The following C19orf44 variants were observed in gnomAD, a reference collection of about 807,000 sequenced individuals.
C19orf44 encodes chromosome 19 open reading frame 44.
Under a neutral mutation model 50.7 loss-of-function variants are expected in C19orf44, and 43 were observed. The ratio of observed to expected loss-of-function variants is 0.85; its 90% CI spans 0.66 to 1.09. The LOEUF is 1.09. Ranked by LOEUF, C19orf44 falls within the 50% of genes least tolerant of loss-of-function variation. The pLI is 0.00. For missense variants in C19orf44, 722 were observed against 836.2 expected, an observed-to-expected ratio of 0.86 and a Z score of 1.68; for synonymous variants, 298 against 334.7, an observed-to-expected ratio of 0.89 and a Z score of 1.20.
Position 16,519,514 on chromosome 19 carries a change from T to C in C19orf44, c.*41-580T>C. The stretch of plus-strand genomic sequence containing the variant: ...GGTCTGGGTGGAGTCAGAACCGGCC[T>C]GACTCCATCCATCCCCACATGCACT... On this transcript the variant is annotated intron_variant, in intron 8 of 8. Coordinates refer to ENST00000221671, the MANE Select transcript of C19orf44 (RefSeq NM_032207.4). The surrounding 1 kb of genome is among the most constrained non-coding windows in gnomAD (Gnocchi z 6.0). 1 of 1,282,678 alleles carries C rather than the reference T, an allele frequency of 7.8e-7. No individual in the cohort carries two copies. Among genetic ancestry groups the C allele is most frequent in the South Asian group, 1.2e-5 (1 of 81,246 alleles). The allele number at this position is 1,282,678 out of a possible 1,614,324, so 79.5% of individuals were successfully genotyped here. A position where few individuals can be genotyped will look rare whatever the true frequency, so the allele number is the denominator to read the frequency against.
In C19orf44 at chr19:16,509,791, C is replaced by T. The variant is rs1225462234; in HGVS notation, c.1442C>T (p.Ser481Phe). 1 of 1,614,268 alleles carries T rather than the reference C, an allele frequency of 6.2e-7. No homozygotes were observed. The highest frequency in any genetic ancestry group is 1.1e-5 in the South Asian group (1 of 91,086). Residue 481 changes from serine to phenylalanine, a missense_variant, in exon 5 of 9, where the codon TCT becomes TTT. Coordinates refer to ENST00000221671, the MANE Select transcript of C19orf44 (RefSeq NM_032207.4). ...DFENSPSLTA[S>F]EPTAHSKESL... ...GAAAACTCTCCAAGTCTGACAGCAT[C>T]TGAGCCAACCGCCCATTCCAAGGAG... is the stretch of plus-strand genomic sequence containing the variant.
In C19orf44 at chr19:16,519,584, G is replaced by T; in HGVS notation, c.*41-510G>T. 6.4e-7 allele frequency: 1 copy of T among 1,564,178 alleles called. No individual in the cohort carries two copies. The highest frequency in any genetic ancestry group is 1.1e-5 in the South Asian group (1 of 89,968). On this transcript the variant is annotated intron_variant, in intron 8 of 8. Transcript: ENST00000221671. The surrounding 1 kb of genome is among the most constrained non-coding windows in gnomAD (Gnocchi z 6.0). Reference sequence around the variant, plus strand: ...TGACTCCCGGGCCCAGCACGCGTGAGGACCCATCCCGCGCCCTCCCCATTC... The same window carrying T: ...TGACTCCCGGGCCCAGCACGCGTGATGACCCATCCCGCGCCCTCCCCATTC...
chr19:16,509,322 G>C (rs188483474), intron 4 of C19orf44, among the ~76,000 whole-genome samples, 177 bp from the exon 5 acceptor site: 2 of 152,108 alleles, frequency 1.3e-5, no homozygotes, highest in Non-Finnish European at 1.5e-5. Flanking sequence ...TGGACATGCC[G>C]TACTGAAGAC....
At position 16,520,299 on chromosome 19, in the gene C19orf44, C is replaced by A; in HGVS notation, c.*246C>A. 1 of 1,611,124 alleles carries A rather than the reference C, an allele frequency of 6.2e-7. No individual in the cohort carries two copies. The highest frequency in any genetic ancestry group is 8.5e-7 in the Non-Finnish European group (1 of 1,178,174). ...AAGGGTGCCCAAGGGTCAGCAGCAG[C>A]CAGGCGTCGTGGGGAGGCCACAGGA... On this transcript the variant is annotated 3_prime_UTR_variant, in exon 9 of 9. Transcript: ENST00000221671. The surrounding 1 kb of genome is among the most constrained non-coding windows in gnomAD (Gnocchi z 4.0).
intron 1 of C19orf44, among the ~76,000 whole-genome samples, chr19:16,500,356 C>CCT (rs2093421498): frequency 7.2e-6 from 1 of 138,490 alleles, no homozygotes; most frequent in African/African-American, 2.7e-5. Context: ...TTTTCTTTTT[C>CCT]TTTTTTTTTT....
At chr19:16,505,784 C>T (rs1054606814) in intron 3 of C19orf44, among the ~76,000 whole-genome samples, 1 of 151,808 alleles carries the variant, frequency 6.6e-6, no homozygotes, top group African/African-American at 2.4e-5. Flanking sequence ...CGGGTTCAAG[C>T]GATTTTCCTG....
chr19:16,501,188 C>G lies in C19orf44; in HGVS notation c.396C>G (p.Asp132Glu), dbSNP rs371756715. ...TADAGLPKRA[D>E]RILSGGALEL... ...ATGCTGGTCTTCCAAAGAGAGCTGA[C>G]AGAATCCTCTCTGGGGGTGCACTCG... is the stretch of plus-strand genomic sequence containing the variant. The change falls in exon 2 of 9, where the codon GAC becomes GAG. Residue 132 changes from aspartate to glutamate, a missense_variant. By Grantham distance (45) the Asp-to-Glu change is conservative. Transcript: ENST00000221671. 1 of 1,614,146 alleles carries G rather than the reference C, an allele frequency of 6.2e-7. No individual in the cohort carries two copies. The highest frequency in any genetic ancestry group is 2.2e-5 in the East Asian group (1 of 44,888).
intron 1 of C19orf44, among the ~76,000 whole-genome samples, chr19:16,497,671 T>C (rs1348353042): frequency 6.6e-6 from 1 of 152,130 alleles, no homozygotes; most frequent in African/African-American, 2.4e-5. Context: ...CTTAGCGTGA[T>C]GTATTTGAGA....
In C19orf44 at chr19:16,506,780, T is replaced by C. The variant is rs1375207467; in HGVS notation, c.1149+6T>C. 1 of 1,579,666 alleles carries C rather than the reference T, an allele frequency of 6.3e-7. No individual in the cohort carries two copies. Among genetic ancestry groups the C allele is most frequent in the Non-Finnish European group, 8.6e-7 (1 of 1,161,020 alleles). Reference sequence around the variant, plus strand: ...ACTCCGATTTGGAACAGGAAGTAAGTACAACAAAGTCATTTTTCATGGTCG... The same window carrying C: ...ACTCCGATTTGGAACAGGAAGTAAGCACAACAAAGTCATTTTTCATGGTCG... On this transcript the variant is annotated splice_donor_region_variant and intron_variant, in intron 4 of 8. Coordinates refer to ENST00000221671, the MANE Select transcript of C19orf44 (RefSeq NM_032207.4).
chr19:16,512,830 A>G (rs1485776865), intron 5 of C19orf44, among the ~76,000 whole-genome samples, 184 bp from the exon 6 acceptor site: 1 of 150,090 alleles, frequency 6.7e-6, no homozygotes, highest in Non-Finnish European at 1.5e-5. Flanking sequence ...TGCACTCCAG[A>G]CTGGGCAATA....
chr19:16,506,274 C>T (rs1191343900), intron 3 of C19orf44, among the ~76,000 whole-genome samples: 1 of 151,806 alleles, frequency 6.6e-6, no homozygotes, highest in Non-Finnish European at 1.5e-5. Context: ...CGCGCCTGGC[C>T]ATGTCTTCAT....
At chr19:16,498,992 C>T in intron 1 of C19orf44, among the ~76,000 whole-genome samples, 1 of 152,082 alleles carries the variant, frequency 6.6e-6, no homozygotes, top group Non-Finnish European at 1.5e-5. Context: ...TTAAATGTTA[C>T]TGAGCACTTT....
intron 4 of C19orf44, 76 bp downstream of exon 4, chr19:16,506,850 T>C (rs983706836): frequency 8.7e-6 from 10 of 1,155,330 alleles, no homozygotes; most frequent in African/African-American, 1.6e-5. Context: ...TTTTAAAAAA[T>C]TTAAAAATTG....
chr19:16,518,980 C>A (rs929559744), intron 8 of C19orf44: 1 of 641,736 alleles, frequency 1.6e-6, no homozygotes, highest in Non-Finnish European at 2.6e-6. Context: ...GTGCCCTCCA[C>A]GCCATGGAGC....
chr19:16,513,200 C>T (rs2093462765), intron 6 of C19orf44, 91 bp downstream of exon 6: 2 of 1,294,236 alleles, frequency 1.5e-6, no homozygotes, highest in African/African-American at 1.5e-5. Flanking sequence ...GTGTGGCACC[C>T]CTTGCATGCT....
At chr19:16,512,014 CAAAAAAAAAA>C (rs1203102155) in intron 5 of C19orf44, among the ~76,000 whole-genome samples, 1 of 47,404 alleles carries the variant, frequency 2.1e-5, no homozygotes, top group Non-Finnish European at 4.0e-5. Context: ...GACTCTGTCT[CAAAAAAAAAA>C]AAAAAAAAAA....
intron 6 of C19orf44, among the ~76,000 whole-genome samples, chr19:16,514,228 G>A (rs570265771): frequency 2.0e-5 from 3 of 151,256 alleles, no homozygotes; most frequent in South Asian, 2.1e-4. Flanking sequence ...TCCTGATCTC[G>A]AACTCCTGAT....
intron 5 of C19orf44, among the ~76,000 whole-genome samples, chr19:16,510,660 C>T (rs1048413902): frequency 6.6e-6 from 1 of 152,124 alleles, no homozygotes; most frequent in South Asian, 2.1e-4. Flanking sequence ...TGCTATTCCA[C>T]ACCCCGCAGT....
intron 3 of C19orf44, among the ~76,000 whole-genome samples, chr19:16,506,142 A>G (rs1344813057): frequency 6.6e-6 from 1 of 150,608 alleles, no homozygotes; most frequent in Non-Finnish European, 1.5e-5. Context: ...CGCCTGGCTA[A>G]TTTTTTGTAT....
Sources: allele counts gnomAD v4.1 joint callset (sites outside exome capture counted in the v4.1 genomes callset), GRCh38; gene constraint gnomAD v4.1.1; non-coding constraint Gnocchi (gnomAD v3.1); transcripts MANE v1.5; gene names NCBI Gene and HGNC (gene_info 2026-07-23, HGNC 2026-07-21).